Variants in SHCBP1L observed in about 807,000 individuals in gnomAD.
SHCBP1L encodes testicular spindle-associated protein SHCBP1L.
Under a neutral mutation model 62.5 loss-of-function variants are expected in SHCBP1L, and 67 were observed. The observed-to-expected ratio is 1.07, with a 90% confidence interval of 0.88 to 1.31. The LOEUF (loss-of-function observed/expected upper bound fraction) is 1.31. Among genes scored for constraint, SHCBP1L ranks in the 40% most tolerant of loss-of-function variants. The pLI is 0.00. For synonymous variants in SHCBP1L, 284 were observed against 289.4 expected (o/e 0.98, Z 0.19); for missense variants, 823 against 809.8 (o/e 1.02, Z -0.20).
At chr1:182,950,280 C>T (rs1400767640) in intron 2 of SHCBP1L, among the ~76,000 whole-genome samples, 1 of 152,054 alleles carries the variant, frequency 6.6e-6, no homozygotes, top group Non-Finnish European at 1.5e-5. Flanking sequence ...GGATAATTGA[C>T]CTTTAACAGA....
rs1312703438 is a variant in SHCBP1L, at chr1:182,942,379, G to A, written c.556-1836C>T. ...GCTCTTCCTTGGCGGCCCCTTCGGCGGAGCTGACCTTCCTCTTGGGTATCC... is the reference window on the plus strand; with the variant it reads ...GCTCTTCCTTGGCGGCCCCTTCGGCAGAGCTGACCTTCCTCTTGGGTATCC... On this transcript the variant is annotated intron_variant, in intron 2 of 9. Coordinates refer to ENST00000367547, the MANE Select transcript of SHCBP1L (RefSeq NM_030933.4). 2.9e-5 allele frequency: 22 copies of A among 747,416 alleles called. 1 individual carries two copies. The highest frequency in any genetic ancestry group is 2.6e-4 in the Middle Eastern group (1 of 3,830). The allele number at this position is 747,416 out of a possible 1,614,324, so 46.3% of individuals were successfully genotyped here.
At chr1:182,939,683 T>A in intron 3 of SHCBP1L, 130 bp from the exon 4 acceptor site, 1 of 675,530 alleles carries the variant, frequency 1.5e-6, no homozygotes, top group Non-Finnish European at 2.4e-6. Context: ...TAAAATGACC[T>A]TTGAGTGAAC....
At chr1:182,944,957 CTTTTTTTTTTTT>C (rs11309339) in intron 2 of SHCBP1L, among the ~76,000 whole-genome samples, 1 of 109,076 alleles carries the variant, frequency 9.2e-6, no homozygotes, top group Non-Finnish European at 1.8e-5. Context: ...TTCTTTCTTT[CTTTTTTTTTTTT>C]TTTTTTTTTG....
intron 6 of SHCBP1L, among the ~76,000 whole-genome samples, chr1:182,924,421 C>T (rs1244530141): frequency 2.0e-5 from 3 of 151,622 alleles, no homozygotes; most frequent in East Asian, 1.9e-4. Flanking sequence ...CCTCAGCCTC[C>T]CGAGTAGCTG....
intron 2 of SHCBP1L, among the ~76,000 whole-genome samples, chr1:182,941,913 A>T (rs1166090294): frequency 6.6e-6 from 1 of 152,220 alleles, no homozygotes; most frequent in Non-Finnish European, 1.5e-5. Flanking sequence ...ATAAACAACC[A>T]GCAAATGATT....
rs763792491 is a variant in SHCBP1L at position 182,951,450 on chromosome 1, T to C, written c.423A>G (p.Glu141=). ...TTTCTGATAGGTATTTACCCATAAC[T>C]TCATCAGCATCTTCTGCCTAACAAG... The part of the protein sequence containing the change: ...LQDCKAEDAD[E]VMGKYLSEKL... Residue 141 remains glutamate (E), a synonymous_variant, in exon 2 of 10, where the codon GAA becomes GAG. Coordinates refer to ENST00000367547, the MANE Select transcript of SHCBP1L (RefSeq NM_030933.4). 1 of 1,585,266 alleles carries C rather than the reference T, an allele frequency of 6.3e-7. No individual in the cohort carries two copies. Among genetic ancestry groups the C allele is most frequent in the South Asian group, 1.2e-5 (1 of 83,412 alleles).
intron 6 of SHCBP1L, among the ~76,000 whole-genome samples, chr1:182,924,964 A>AAGAAAGAAAG (rs1553245986): frequency 1.6e-3 from 225 of 141,848 alleles, no homozygotes; most frequent in Middle Eastern, 3.5e-3. Context: ...GAAAGAAAGA[A>AAGAAAGAAAG]AGAAAGAAAG....
rs1650930994 is a variant in SHCBP1L, at chr1:182,930,434, A to C, written c.1077-682T>G. On this transcript the variant is annotated intron_variant, in intron 5 of 9. Coordinates refer to ENST00000367547, the MANE Select transcript of SHCBP1L (RefSeq NM_030933.4). Reference sequence around the variant, plus strand: ...TTATCATTACTGTCAGCCAAAAGGGACACTCTTTTTCCAATAGATAAGGAT... The same window carrying C: ...TTATCATTACTGTCAGCCAAAAGGGCCACTCTTTTTCCAATAGATAAGGAT... Among the ~76,000 whole-genome samples, 3 of 150,602 alleles carry C rather than the reference A, an allele frequency of 2.0e-5. No homozygotes were observed. The Admixed American group carries it at 2.0e-4, about 10-fold the overall frequency.
intron 2 of SHCBP1L, among the ~76,000 whole-genome samples, chr1:182,944,155 A>AATAAATAAAT (rs1490526320): frequency 6.6e-6 from 1 of 150,420 alleles, no homozygotes; most frequent in East Asian, 2.0e-4. Context: ...TAAATAAATA[A>AATAAATAAAT]AAGAGGCCGG....
In SHCBP1L at chr1:182,904,302, C is replaced by T. The variant is rs369569661; in HGVS notation, c.1465G>A (p.Val489Met). ...LIQQGTVDGI[V>M]VVESGHMTLE... ...GTCATGTGACCAGACTCCACCACCA[C>T]GATACCATCAACCGTCCCTTGTTGT... Residue 489 changes from valine to methionine, a missense_variant, in exon 8 of 10, where the codon GTG becomes ATG. Transcript: ENST00000367547. The T allele has an allele frequency of 6.8e-5, 109 of 1,613,996 alleles. 1 individual carries two copies. Among genetic ancestry groups the T allele is most frequent in the South Asian group, 2.3e-4 (21 of 91,086 alleles).
chr1:182,905,562 T>C lies in SHCBP1L; in HGVS notation c.1270A>G (p.Ile424Val). The C allele has an allele frequency of 6.2e-7, 1 of 1,613,826 alleles. No individual in the cohort carries two copies. Among genetic ancestry groups the C allele is most frequent in the Non-Finnish European group, 8.5e-7 (1 of 1,179,838 alleles). Residue 424 changes from isoleucine (I) to valine (V), a missense_variant, in exon 7 of 10, where the codon ATA becomes GTA. By Grantham distance (29) the Ile-to-Val change is conservative. Coordinates refer to ENST00000367547, the MANE Select transcript of SHCBP1L (RefSeq NM_030933.4). ...LDNCYSGDTV[I>V]IFPGEYQAAN... ...GCTTGATATTCTCCTGGAAAAATTATTACTGTATCTCCACTATAACAATTA... is the reference window on the plus strand; with the variant it reads ...GCTTGATATTCTCCTGGAAAAATTACTACTGTATCTCCACTATAACAATTA...
intron 9 of SHCBP1L, among the ~76,000 whole-genome samples, chr1:182,902,201 C>T (rs1403143574): frequency 6.6e-6 from 1 of 151,754 alleles, no homozygotes; most frequent in Non-Finnish European, 1.5e-5. Flanking sequence ...AGGCATATGC[C>T]ACCACGGTTG....
At chr1:182,946,875 G>A (rs1277862839) in intron 2 of SHCBP1L, among the ~76,000 whole-genome samples, 1 of 152,118 alleles carries the variant, frequency 6.6e-6, no homozygotes, top group Non-Finnish European at 1.5e-5. Context: ...TGTTGTTGCT[G>A]TTTTACACGT....
intron 6 of SHCBP1L, among the ~76,000 whole-genome samples, chr1:182,927,469 G>A (rs558150239): frequency 6.6e-6 from 1 of 152,198 alleles, no homozygotes; most frequent in South Asian, 2.1e-4. Flanking sequence ...TCAGGAGATC[G>A]AGACCATCCT....
At chr1:182,923,624 C>A (rs1650586733) in intron 6 of SHCBP1L, among the ~76,000 whole-genome samples, 1 of 152,068 alleles carries the variant, frequency 6.6e-6, no homozygotes, top group Non-Finnish European at 1.5e-5. Context: ...ACAAACAGAA[C>A]TAAAAACAAA....
In SHCBP1L at chr1:182,903,075, G is replaced by A. The variant is rs1416980905; in HGVS notation, c.1674C>T (p.Asn558=). 2 of 1,599,240 alleles carry A rather than the reference G, an allele frequency of 1.3e-6. No homozygotes were observed. The highest frequency in any genetic ancestry group is 1.7e-6 in the Non-Finnish European group (2 of 1,172,774). ...IHHCNNLRTS[N]SSKSTLGGVN... is the part of the protein sequence containing the mutation. Reference sequence around the variant, plus strand: ...CTCCACCTAAGGTGCTTTTTGAACTGTTACTGGTTCTGAGGTTATTACAGT... The same window carrying A: ...CTCCACCTAAGGTGCTTTTTGAACTATTACTGGTTCTGAGGTTATTACAGT... Residue 558 remains asparagine (N), a synonymous_variant, in exon 9 of 10, where the codon AAC becomes AAT. Transcript: ENST00000367547.
chr1:182,931,641 G>C (rs1410579866), intron 5 of SHCBP1L, among the ~76,000 whole-genome samples: 1 of 152,060 alleles, frequency 6.6e-6, no homozygotes, highest in African/African-American at 2.4e-5. Context: ...TTTCAGCAAA[G>C]TTGATCAAAA....
chr1:182,949,827 CTTTTTT>C (rs1193224921), intron 2 of SHCBP1L, among the ~76,000 whole-genome samples: 1 of 136,936 alleles, frequency 7.3e-6, no homozygotes, highest in Non-Finnish European at 1.6e-5. Context: ...ATATGGTATT[CTTTTTT>C]TTTTTTTTTT....
intron 6 of SHCBP1L, among the ~76,000 whole-genome samples, chr1:182,927,749 C>A (rs1003500277): frequency 2.0e-5 from 3 of 150,092 alleles, no homozygotes; most frequent in African/African-American, 7.4e-5. Flanking sequence ...AAAAGTAAAT[C>A]TAAAATCCAA....
Sources: gnomAD v4.1 joint callset for allele counts (sites outside exome capture counted in the v4.1 genomes callset) on GRCh38, gnomAD v4.1.1 for gene constraint, MANE v1.5 for transcripts, NCBI Gene and HGNC (gene_info 2026-07-23, HGNC 2026-07-21) for gene names.